Variants in LRRC4C observed in about 807,000 individuals in gnomAD.
The protein encoded by LRRC4C is leucine rich repeat containing 4C.
Under a neutral mutation model 33.6 loss-of-function variants are expected in LRRC4C, and 5 were observed. The ratio of observed to expected loss-of-function variants is 0.15; its 90% CI spans 0.08 to 0.31. The LOEUF is 0.31. LRRC4C is among the 10% of genes least tolerant of loss of function. The probability of loss-of-function intolerance (pLI) is 1.00; values close to 1 mark genes in which losing one functional copy is unlikely to be tolerated. For missense variants in LRRC4C, 560 were observed against 796.7 expected (o/e 0.70, Z 3.58); for synonymous variants, 329 against 302.0 (o/e 1.09, Z -0.93).
At chr11:41,225,321 G>T (rs999264094) in intron 1 of LRRC4C, among the ~76,000 whole-genome samples, 13 of 151,972 alleles carry the variant, frequency 8.6e-5, no homozygotes, top group Admixed American at 7.2e-4. Flanking sequence ...GTAACACAAA[G>T]GATAAATCCT....
chr11:41,092,020 A>T (rs1003613606), intron 1 of LRRC4C, among the ~76,000 whole-genome samples: 2 of 152,292 alleles, frequency 1.3e-5, no homozygotes, highest in Admixed American at 1.3e-4. Context: ...TAATTATAGT[A>T]GAAGCCCCTG....
At chr11:41,208,724 T>A (rs963711407) in intron 1 of LRRC4C, among the ~76,000 whole-genome samples, 7 of 152,158 alleles carry the variant, frequency 4.6e-5, no homozygotes, top group African/African-American at 1.7e-4. Context: ...CAAAGACAAT[T>A]CAGAGATCAT....
At chr11:40,391,502 G>C (rs150223924) in intron 3 of LRRC4C, among the ~76,000 whole-genome samples, 1 of 152,260 alleles carries the variant, frequency 6.6e-6, no homozygotes, top group East Asian at 1.9e-4. Flanking sequence ...TCTCCATTCT[G>C]AGATGAGATG....
intron 1 of LRRC4C, among the ~76,000 whole-genome samples, chr11:41,002,257 G>A (rs552315344): frequency 2.8e-4 from 43 of 152,254 alleles, no homozygotes; most frequent in African/African-American, 1.0e-3. Flanking sequence ...ATTGAGAAGT[G>A]ACTAATTTGG....
intron 2 of LRRC4C, among the ~76,000 whole-genome samples, chr11:40,772,953 T>C (rs962154521): frequency 6.6e-6 from 1 of 152,184 alleles, no homozygotes; most frequent in Non-Finnish European, 1.5e-5. Context: ...GCAACCTAAG[T>C]GTCCATCAAC....
intron 3 of LRRC4C, among the ~76,000 whole-genome samples, chr11:40,592,818 A>T (rs549961308): frequency 6.6e-6 from 1 of 152,326 alleles, no homozygotes; most frequent in South Asian, 2.1e-4. Flanking sequence ...CTGAAAAAAC[A>T]TGAACCAGCT....
chr11:40,344,117 T>C (rs1947008515), intron 3 of LRRC4C, among the ~76,000 whole-genome samples: 1 of 151,946 alleles, frequency 6.6e-6, no homozygotes, highest in Non-Finnish European at 1.5e-5. Flanking sequence ...TCTGAAGAAA[T>C]TGAGGAGAAG....
At chr11:40,768,504 T>C (rs1008216156) in intron 2 of LRRC4C, among the ~76,000 whole-genome samples, 2 of 152,016 alleles carry the variant, frequency 1.3e-5, no homozygotes, top group Admixed American at 6.6e-5. Flanking sequence ...TGACCATTAT[T>C]ACACTGATAC....
At chr11:41,259,324 A>G (rs751830944) in intron 1 of LRRC4C, among the ~76,000 whole-genome samples, 1 of 151,928 alleles carries the variant, frequency 6.6e-6, no homozygotes, top group Non-Finnish European at 1.5e-5. Context: ...TAACTTTTTA[A>G]TTTCCTGGTA....
chr11:40,632,294 T>C (rs533164145), intron 3 of LRRC4C, among the ~76,000 whole-genome samples: 5 of 152,310 alleles, frequency 3.3e-5, no homozygotes, highest in Non-Finnish European at 5.9e-5. Flanking sequence ...TATCCTTGAA[T>C]TGACCTAAAG....
intron 5 of LRRC4C, among the ~76,000 whole-genome samples, chr11:40,202,438 T>A (rs999447792): frequency 6.6e-6 from 1 of 152,116 alleles, no homozygotes. Flanking sequence ...AGAGGAAAGC[T>A]GAGTTATAAT....
At chr11:41,372,571 G>C (rs1952789696) in intron 1 of LRRC4C, among the ~76,000 whole-genome samples, 1 of 152,152 alleles carries the variant, frequency 6.6e-6, no homozygotes, top group Admixed American at 6.5e-5. Context: ...CCAAACTTAT[G>C]AACTATTAAA....
chr11:40,946,091 C>T (rs1958385220), intron 1 of LRRC4C, among the ~76,000 whole-genome samples: 2 of 152,032 alleles, frequency 1.3e-5, no homozygotes, highest in Non-Finnish European at 2.9e-5. Context: ...CTCTCCTGCC[C>T]TCCTCCCTCT....
chr11:41,256,697 C>T (rs1267653826), intron 1 of LRRC4C, among the ~76,000 whole-genome samples: 6 of 152,094 alleles, frequency 3.9e-5, no homozygotes, highest in African/African-American at 1.4e-4. Context: ...TCATATCATG[C>T]GTGTTGTCTT....
intron 3 of LRRC4C, among the ~76,000 whole-genome samples, chr11:40,484,191 A>C (rs1953738451): frequency 6.6e-6 from 1 of 152,170 alleles, no homozygotes; most frequent in Non-Finnish European, 1.5e-5. Flanking sequence ...CTTTCGATCC[A>C]ATAGTCCCAC....
intron 1 of LRRC4C, among the ~76,000 whole-genome samples, chr11:41,158,078 C>A (rs187137572): frequency 6.6e-6 from 1 of 152,156 alleles, no homozygotes; most frequent in Admixed American, 6.6e-5. Flanking sequence ...CCCTTCCCAG[C>A]CTCTGGTGCT....
chr11:41,405,541 T>G (rs903888488), intron 1 of LRRC4C, among the ~76,000 whole-genome samples: 2 of 152,152 alleles, frequency 1.3e-5, no homozygotes, highest in South Asian at 4.1e-4. Flanking sequence ...CCATCTGAAT[T>G]ACTTACATGG....
intron 1 of LRRC4C, among the ~76,000 whole-genome samples, chr11:41,011,526 G>A (rs750702768): frequency 7.2e-5 from 11 of 151,854 alleles, no homozygotes; most frequent in Non-Finnish European, 1.5e-4. Context: ...AAATAAAATC[G>A]TGTTAGTTTG....
intron 5 of LRRC4C, among the ~76,000 whole-genome samples, chr11:40,174,564 G>A (rs530181353): frequency 5.5e-4 from 83 of 152,238 alleles, no homozygotes; most frequent in Non-Finnish European, 9.4e-4. Flanking sequence ...ATATGTGTGC[G>A]TTATTATTTT....
Sources: gnomAD v4.1 joint callset for allele counts (sites outside exome capture counted in the v4.1 genomes callset) on GRCh38, gnomAD v4.1.1 for gene constraint, MANE v1.5 for transcripts, NCBI Gene and HGNC (gene_info 2026-07-23, HGNC 2026-07-21) for gene names.